The following RUNDC3B variants were observed in gnomAD, a reference collection of about 807,000 sequenced individuals.
RUNDC3B encodes the protein RUN domain containing 3B.
In RUNDC3B, 33 loss-of-function variants were observed where a neutral mutation model predicts 58.4. The ratio of observed to expected loss-of-function variants is 0.56; its 90% CI spans 0.43 to 0.75. RUNDC3B has a LOEUF of 0.75. RUNDC3B is among the 30% of genes least tolerant of loss of function. The pLI is 0.00. For synonymous variants in RUNDC3B, 193 were observed against 195.2 expected (o/e 0.99, Z 0.10); for missense variants, 501 against 535.7 (o/e 0.94, Z 0.64).
chr7:87,698,860 T>C (rs761121063), intron 2 of RUNDC3B, among the ~76,000 whole-genome samples: 6 of 152,228 alleles, frequency 3.9e-5, no homozygotes, highest in Non-Finnish European at 7.4e-5. Context: ...CATGGGTTTC[T>C]GGAAGAGGCC....
intron 2 of RUNDC3B, among the ~76,000 whole-genome samples, chr7:87,655,907 T>C (rs951454768): frequency 1.3e-5 from 2 of 152,080 alleles, no homozygotes; most frequent in South Asian, 4.1e-4. Flanking sequence ...AGGGAGTTTG[T>C]CCTTTTTTGC....
intron 4 of RUNDC3B, among the ~76,000 whole-genome samples, chr7:87,736,855 C>CTATATATATATA (rs1554479935): frequency 2.5e-4 from 9 of 36,212 alleles, no homozygotes; most frequent in Non-Finnish European, 3.5e-4. Flanking sequence ...ATATATATAC[C>CTATATATATATA]TATATATATA....
intron 1 of RUNDC3B, among the ~76,000 whole-genome samples, chr7:87,637,380 A>G (rs1309964616): frequency 6.6e-6 from 1 of 152,138 alleles, no homozygotes. Context: ...TTTATTTTTC[A>G]AGATTATCTT....
At chr7:87,801,404 A>G (rs994459620) in intron 8 of RUNDC3B, among the ~76,000 whole-genome samples, 1 of 152,144 alleles carries the variant, frequency 6.6e-6, no homozygotes. Flanking sequence ...TTCTGGGAAA[A>G]CTGAAATAAC....
rs1554475928 is a variant in RUNDC3B at position 87,720,540 on chromosome 7, ATATG to A, written c.458+9887_458+9890del. Among the ~76,000 whole-genome samples the A allele has an allele frequency of 1.9e-3, 191 of 100,854 alleles. 1 individual carries two copies. The highest frequency in any genetic ancestry group is 8.9e-3 in the Middle Eastern group (2 of 224). 66.2% of individuals were successfully genotyped at this position (100,854 alleles called of 152,430 possible). On this transcript the variant is annotated intron_variant, in intron 4 of 10. Transcript: ENST00000394654. Reference sequence around the variant, plus strand: ...CACAAATTTAAGCAGAAGATAGGATATATGTGTGTGTGTGTGTGTGTGTGTGTGT... The same window carrying A: ...CACAAATTTAAGCAGAAGATAGGATATGTGTGTGTGTGTGTGTGTGTGTGT...
chr7:87,631,991 G>A (rs1821269768), intron 1 of RUNDC3B, among the ~76,000 whole-genome samples: 1 of 151,850 alleles, frequency 6.6e-6, no homozygotes, highest in South Asian at 2.1e-4. Flanking sequence ...TAAGATAAAT[G>A]TTTATAATAG....
chr7:87,720,719 G>A (rs1264418275), intron 4 of RUNDC3B, among the ~76,000 whole-genome samples: 1 of 151,168 alleles, frequency 6.6e-6, no homozygotes, highest in Non-Finnish European at 1.5e-5. Flanking sequence ...TCCTGACTCA[G>A]CCTCCTGAGT....
At position 87,823,799 on chromosome 7, in the gene RUNDC3B, C is replaced by T. The variant is rs988774100; in HGVS notation, c.1226-6086C>T. ...ATTCCATTTCATATATATACACACA[C>T]ACACACACACACACACACACACACA... On this transcript the variant is annotated intron_variant, in intron 10 of 10. Coordinates refer to ENST00000394654, the MANE Select transcript of RUNDC3B (RefSeq NM_001134405.2). Among the ~76,000 whole-genome samples the T allele has an allele frequency of 6.8e-4, 103 of 150,790 alleles. 1 individual carries two copies. The highest frequency in any genetic ancestry group is 2.2e-3 in the African/African-American group (91 of 41,242).
intron 7 of RUNDC3B, among the ~76,000 whole-genome samples, chr7:87,773,254 C>A (rs541686379): frequency 6.9e-6 from 1 of 145,292 alleles, no homozygotes; most frequent in South Asian, 2.2e-4. Context: ...ACCCGCGAGG[C>A]GGAGCTTGCA....
At chr7:87,764,988 T>G (rs1172906457) in intron 6 of RUNDC3B, among the ~76,000 whole-genome samples, 1 of 151,842 alleles carries the variant, frequency 6.6e-6, no homozygotes, top group Non-Finnish European at 1.5e-5. Flanking sequence ...TAATTACTTT[T>G]TATTGGTCTG....
chr7:87,714,774 C>CT (rs1240132760), intron 4 of RUNDC3B, among the ~76,000 whole-genome samples: 1 of 151,974 alleles, frequency 6.6e-6, no homozygotes, highest in Admixed American at 6.6e-5. Context: ...GGCACCCCCC[C>CT]GCCCCATGCA....
At chr7:87,655,146 T>G (rs919750608) in intron 2 of RUNDC3B, among the ~76,000 whole-genome samples, 1 of 151,980 alleles carries the variant, frequency 6.6e-6, no homozygotes, top group African/African-American at 2.4e-5. Context: ...AAAATAGAAC[T>G]GCCATTAGTC....
At chr7:87,714,681 G>C (rs1329303529) in intron 4 of RUNDC3B, among the ~76,000 whole-genome samples, 2 of 152,122 alleles carry the variant, frequency 1.3e-5, no homozygotes, top group Admixed American at 1.3e-4. Flanking sequence ...TTCTCAGAAA[G>C]GAGTATGCCT....
intron 2 of RUNDC3B, among the ~76,000 whole-genome samples, chr7:87,652,011 T>A (rs529045668): frequency 1.9e-3 from 282 of 152,248 alleles, no homozygotes; most frequent in African/African-American, 6.5e-3. Context: ...TTACCTTTTA[T>A]AAGAAAATAA....
At chr7:87,807,347 A>G in intron 8 of RUNDC3B, 26 bp from the exon 9 acceptor site, 2 of 1,611,708 alleles carry the variant, frequency 1.2e-6, no homozygotes, top group African/African-American at 1.3e-5. Flanking sequence ...TGAAGACAAA[A>G]GCACTCACCA....
intron 2 of RUNDC3B, among the ~76,000 whole-genome samples, chr7:87,664,273 C>G (rs1825010355): frequency 6.6e-6 from 1 of 152,074 alleles, no homozygotes; most frequent in Non-Finnish European, 1.5e-5. Flanking sequence ...CTGTAGTACA[C>G]TATTATTGTA....
intron 9 of RUNDC3B, among the ~76,000 whole-genome samples, chr7:87,814,043 G>C (rs571277081): frequency 3.3e-4 from 50 of 149,558 alleles, no homozygotes; most frequent in Admixed American, 8.0e-4. Flanking sequence ...ATTAAATATA[G>C]TTTACATGAT....
chr7:87,786,889 T>A (rs556152404), intron 8 of RUNDC3B, among the ~76,000 whole-genome samples: 139 of 152,272 alleles, frequency 9.1e-4, no homozygotes, highest in Middle Eastern at 3.4e-3. Context: ...AAAGGAAGCT[T>A]TCAGTTGTCT....
At chr7:87,662,032 T>C (rs1020703044) in intron 2 of RUNDC3B, among the ~76,000 whole-genome samples, 2 of 152,214 alleles carry the variant, frequency 1.3e-5, no homozygotes, top group Non-Finnish European at 2.9e-5. Flanking sequence ...CATATACCTG[T>C]TTGCCATTTA....
Sources: gnomAD v4.1 joint callset for allele counts (sites outside exome capture counted in the v4.1 genomes callset) on GRCh38, gnomAD v4.1.1 for gene constraint, MANE v1.5 for transcripts, NCBI Gene and HGNC (gene_info 2026-07-23, HGNC 2026-07-21) for gene names.